The following CD2AP variants were observed in gnomAD, a reference collection of about 807,000 sequenced individuals.
CD2AP encodes CD2 associated protein.
A neutral mutation model predicts 85.1 loss-of-function variants in CD2AP; 46 were observed. The ratio of observed to expected loss-of-function variants is 0.54; its 90% CI spans 0.43 to 0.69. CD2AP has a LOEUF of 0.69. Among genes scored for constraint, CD2AP ranks in the 30% least tolerant of loss-of-function variants. The pLI, the probability that CD2AP is intolerant of heterozygous loss-of-function variation, is 0.00. For missense variants in CD2AP, 769 were observed against 729.5 expected (o/e 1.05, Z -0.62); for synonymous variants, 255 against 252.9 (o/e 1.01, Z -0.08).
intron 17 of CD2AP, among the ~76,000 whole-genome samples, chr6:47,616,640 GC>G (rs1769593962): frequency 6.6e-6 from 1 of 152,080 alleles, no homozygotes; most frequent in African/African-American, 2.4e-5. Context: ...TCAAAGAATA[GC>G]CCCCATTTAG....
intron 11 of CD2AP, among the ~76,000 whole-genome samples, chr6:47,594,671 T>C (rs1354169715): frequency 2.0e-5 from 3 of 152,166 alleles, no homozygotes; most frequent in East Asian, 3.9e-4. Context: ...TTCCTGGTGG[T>C]ATAATTATAT....
intron 14 of CD2AP, among the ~76,000 whole-genome samples, chr6:47,606,819 C>T (rs1562054199): frequency 6.6e-6 from 1 of 151,944 alleles, no homozygotes; most frequent in Admixed American, 6.6e-5. Flanking sequence ...TGTTACAAAC[C>T]ATCTAAATTG....
At chr6:47,554,000 G>A (rs1332036434) in intron 4 of CD2AP, among the ~76,000 whole-genome samples, 1 of 151,928 alleles carries the variant, frequency 6.6e-6, no homozygotes, top group African/African-American at 2.4e-5. Context: ...TCTGTCACCT[G>A]GGCTGGAGTC....
intron 5 of CD2AP, among the ~76,000 whole-genome samples, chr6:47,557,746 A>G (rs1470572051): frequency 6.6e-6 from 1 of 152,166 alleles, no homozygotes; most frequent in Non-Finnish European, 1.5e-5. Flanking sequence ...TATAGTTTGA[A>G]GTCAGGTAGC....
intron 2 of CD2AP, among the ~76,000 whole-genome samples, chr6:47,510,186 T>G (rs956495015): frequency 3.3e-5 from 5 of 152,206 alleles, no homozygotes; most frequent in Non-Finnish European, 7.3e-5. Flanking sequence ...TATGTTTAGT[T>G]AAAACATGTA....
At chr6:47,565,176 G>A (rs971799405) in intron 5 of CD2AP, among the ~76,000 whole-genome samples, 2 of 152,046 alleles carry the variant, frequency 1.3e-5, no homozygotes, top group African/African-American at 4.8e-5. Flanking sequence ...CCACCATTAT[G>A]TTTTCTGTAG....
At chr6:47,504,445 C>T (rs772477442) in intron 2 of CD2AP, among the ~76,000 whole-genome samples, 2 of 152,146 alleles carry the variant, frequency 1.3e-5, no homozygotes, top group African/African-American at 2.4e-5. Context: ...CAGGAAACAC[C>T]GTGGATACCA....
At chr6:47,567,526 A>G (rs1253751865) in intron 5 of CD2AP, among the ~76,000 whole-genome samples, 1 of 152,206 alleles carries the variant, frequency 6.6e-6, no homozygotes, top group African/African-American at 2.4e-5. Flanking sequence ...TGATTTAAAA[A>G]AGTGATTGTA....
At chr6:47,587,398 A>G (rs764733310) in intron 11 of CD2AP, among the ~76,000 whole-genome samples, 10 of 150,604 alleles carry the variant, frequency 6.6e-5, no homozygotes, top group Non-Finnish European at 1.2e-4. Flanking sequence ...TTCATGGGAT[A>G]TTTTCTCAAA....
chr6:47,518,841 G>A (rs1194054116), intron 2 of CD2AP, among the ~76,000 whole-genome samples: 2 of 152,144 alleles, frequency 1.3e-5, no homozygotes, highest in East Asian at 1.9e-4. Flanking sequence ...GTTTTATTTA[G>A]ATAGTGGGTC....
chr6:47,601,809 CATT>C (rs1239881766), intron 13 of CD2AP, among the ~76,000 whole-genome samples: 1 of 151,886 alleles, frequency 6.6e-6, no homozygotes, highest in Non-Finnish European at 1.5e-5. Flanking sequence ...TTGAAAATTT[CATT>C]ATTAGGCAAC....
At chr6:47,519,830 C>T (rs1766539015) in intron 2 of CD2AP, among the ~76,000 whole-genome samples, 1 of 151,972 alleles carries the variant, frequency 6.6e-6, no homozygotes, top group Admixed American at 6.6e-5. Context: ...GGGAAAAAGG[C>T]AGAACTTTTC....
At chr6:47,603,497 C>A (rs1273056586) in intron 13 of CD2AP, among the ~76,000 whole-genome samples, 1 of 151,928 alleles carries the variant, frequency 6.6e-6, no homozygotes, top group African/African-American at 2.4e-5. Flanking sequence ...TCTTGGTGTT[C>A]AGTGAGTAAT....
intron 2 of CD2AP, among the ~76,000 whole-genome samples, chr6:47,504,529 A>G (rs1405336569): frequency 6.6e-6 from 1 of 152,232 alleles, no homozygotes; most frequent in Non-Finnish European, 1.5e-5. Context: ...ATTCTCCCAT[A>G]TACTTTAAAT....
intron 5 of CD2AP, among the ~76,000 whole-genome samples, chr6:47,558,195 G>T (rs1322138168): frequency 6.6e-6 from 1 of 152,178 alleles, no homozygotes; most frequent in Non-Finnish European, 1.5e-5. Context: ...AGACTTTGCT[G>T]AAGTTGCTTA....
chr6:47,519,810 C>T lies in CD2AP; in HGVS notation c.166-13792C>T, dbSNP rs1031496703. On this transcript the variant is annotated intron_variant, in intron 2 of 17. Coordinates refer to ENST00000359314, the MANE Select transcript of CD2AP (RefSeq NM_012120.3). ...TATGGCAGGCACTGTTAAGTATTAA[C>T]AATAAAATAGGGAAAAAGGCAGAAC... is the stretch of plus-strand genomic sequence containing the variant. Among the ~76,000 whole-genome samples, 3 of 151,766 alleles carry T rather than the reference C, an allele frequency of 2.0e-5. No individual in the cohort carries two copies. In the South Asian group the frequency reaches 6.3e-4, roughly 32 times the overall value.
At chr6:47,538,599 A>G (rs980608817) in intron 3 of CD2AP, among the ~76,000 whole-genome samples, 4 of 152,212 alleles carry the variant, frequency 2.6e-5, no homozygotes, top group Admixed American at 1.3e-4. Flanking sequence ...TAATGCTTTA[A>G]TAAAACCTGA....
intron 1 of CD2AP, among the ~76,000 whole-genome samples, chr6:47,497,337 C>CCT (rs1562003496): frequency 9.8e-6 from 1 of 101,652 alleles, no homozygotes; most frequent in African/African-American, 3.6e-5. Context: ...TTTCCTTTCC[C>CCT]TTCCCTTCCC....
At chr6:47,544,868 G>T in intron 4 of CD2AP, 162 bp downstream of exon 4, 2 of 555,124 alleles carry the variant, frequency 3.6e-6, no homozygotes, top group Non-Finnish European at 6.3e-6. Flanking sequence ...ATTTATATAT[G>T]TATTTGTATT....
Sources: gnomAD v4.1 joint callset for allele counts (sites outside exome capture counted in the v4.1 genomes callset) on GRCh38, gnomAD v4.1.1 for gene constraint, MANE v1.5 for transcripts, NCBI Gene and HGNC (gene_info 2026-07-23, HGNC 2026-07-21) for gene names.